Variants in HELZ observed in about 807,000 individuals in gnomAD.
HELZ encodes the protein helicase with zinc finger, also known as ATP-dependent RNA helicase with zinc finger domain.
A neutral mutation model predicts 218.2 loss-of-function variants in HELZ; 23 were observed. The observed-to-expected ratio is 0.11, with a 90% CI of 0.08 to 0.15. The LOEUF (loss-of-function observed/expected upper bound fraction) is 0.15. Ranked by LOEUF, HELZ falls within the 10% of genes least tolerant of loss-of-function variation. HELZ has a pLI of 1.00. For missense variants in HELZ, 1,813 were observed against 2,353.7 expected, an observed-to-expected ratio of 0.77 and a Z score of 4.75; for synonymous variants, 814 against 829.4, an observed-to-expected ratio of 0.98 and a Z score of 0.32.
chr17:67,141,111 A>C (rs1234903882), intron 21 of HELZ, among the ~76,000 whole-genome samples: 1 of 152,216 alleles, frequency 6.6e-6, no homozygotes, highest in Non-Finnish European at 1.5e-5. Context: ...GTGATACCGG[A>C]CAATAATTCA....
At chr17:67,206,824 C>G (rs931998651) in intron 5 of HELZ, among the ~76,000 whole-genome samples, 2 of 151,606 alleles carry the variant, frequency 1.3e-5, no homozygotes, top group African/African-American at 4.9e-5. Flanking sequence ...GTCTTGAACT[C>G]CCGACCTCAG....
chr17:67,159,210 G>A (rs1426416437), intron 17 of HELZ, among the ~76,000 whole-genome samples: 2 of 152,108 alleles, frequency 1.3e-5, no homozygotes, highest in Non-Finnish European at 2.9e-5. Flanking sequence ...GATAGTGATT[G>A]TATATATGTA....
At position 67,108,457 on chromosome 17, in the gene HELZ, G is replaced by T; in HGVS notation, c.4724+35C>A. On this transcript the variant is annotated intron_variant, in intron 30 of 32. Coordinates refer to ENST00000358691, the MANE Select transcript of HELZ (RefSeq NM_014877.4). This position sits in a 1 kb window ranked among gnomAD's most constrained non-coding sequence, Gnocchi z 4.1. ...CAAAAAAGAGAACAGTGAGGGGGTC[G>T]CATTCCAGGGGCTATTTTCAGTCCG... 1.3e-6 allele frequency: 2 copies of T among 1,483,264 alleles called. No homozygotes were observed. Among genetic ancestry groups the T allele is most frequent in the Non-Finnish European group, 1.9e-6 (2 of 1,063,362 alleles). The allele number at this position is 1,483,264 out of a possible 1,614,324, so 91.9% of individuals were successfully genotyped here.
intron 31 of HELZ, 39 bp from the exon 32 acceptor site, chr17:67,087,120 C>T (rs757819791): frequency 1.9e-6 from 3 of 1,602,654 alleles, no homozygotes; most frequent in Non-Finnish European, 2.6e-6. Context: ...ATCAGTGCAC[C>T]TTGTGCCATA....
intron 31 of HELZ, among the ~76,000 whole-genome samples, chr17:67,096,584 T>G (rs1180975915): frequency 2.6e-5 from 4 of 152,266 alleles, no homozygotes; most frequent in African/African-American, 9.6e-5. Flanking sequence ...CCTTGCACTT[T>G]TATGTTATGG....
At chr17:67,219,417 C>T (rs903659304) in intron 3 of HELZ, among the ~76,000 whole-genome samples, 4 of 152,222 alleles carry the variant, frequency 2.6e-5, no homozygotes, top group African/African-American at 7.2e-5. Context: ...TCAAGAAACT[C>T]AGATTCTAGC....
chr17:67,157,654 C>T (rs2038882362), intron 17 of HELZ, among the ~76,000 whole-genome samples: 1 of 152,186 alleles, frequency 6.6e-6, no homozygotes, highest in Non-Finnish European at 1.5e-5. Flanking sequence ...AACCAATCCA[C>T]ATATCCCACA....
At chr17:67,243,926 G>A (rs947586380) in intron 1 of HELZ, 87 bp from the exon 2 acceptor site, 36 of 893,894 alleles carry the variant, frequency 4.0e-5, no homozygotes, top group Middle Eastern at 1.2e-3. Flanking sequence ...AAGTGAAAGG[G>A]CATCTACATT....
intron 32 of HELZ, among the ~76,000 whole-genome samples, chr17:67,084,511 A>C (rs951505695): frequency 2.0e-5 from 3 of 152,058 alleles, no homozygotes; most frequent in African/African-American, 7.2e-5. Flanking sequence ...AAAACACAAA[A>C]AATTAGCCGG....
intron 7 of HELZ, among the ~76,000 whole-genome samples, chr17:67,200,392 A>G (rs2040138914): frequency 6.6e-6 from 1 of 152,022 alleles, no homozygotes; most frequent in South Asian, 2.1e-4. Flanking sequence ...TCCTAAACAC[A>G]TTCCTTAAAG....
At chr17:67,087,817 G>A (rs1406732738) in intron 31 of HELZ, among the ~76,000 whole-genome samples, 1 of 152,198 alleles carries the variant, frequency 6.6e-6, no homozygotes, top group Non-Finnish European at 1.5e-5. Context: ...CTATGTGGCA[G>A]CCATGTCAAG....
chr17:67,147,892 T>C (rs907751330), intron 20 of HELZ, among the ~76,000 whole-genome samples: 1 of 152,228 alleles, frequency 6.6e-6, no homozygotes, highest in African/African-American at 2.4e-5. Context: ...AGGTTCTGGA[T>C]GGTGGCGCAC....
chr17:67,086,550 T>C (rs966618887), intron 32 of HELZ, among the ~76,000 whole-genome samples: 3 of 148,714 alleles, frequency 2.0e-5, no homozygotes, highest in Non-Finnish European at 3.0e-5. Flanking sequence ...CATTGTACTC[T>C]AGCCTGGGCG....
intron 13 of HELZ, among the ~76,000 whole-genome samples, chr17:67,173,968 T>A (rs1376456838): frequency 1.3e-5 from 2 of 152,354 alleles, no homozygotes; most frequent in East Asian, 3.9e-4. Context: ...TAAAGCACAT[T>A]TCCTTTGAAA....
intron 12 of HELZ, among the ~76,000 whole-genome samples, chr17:67,181,431 G>T (rs970415945): frequency 2.0e-5 from 3 of 152,238 alleles, no homozygotes; most frequent in Middle Eastern, 3.4e-3. Context: ...AGCAATAGCA[G>T]TATTTGTTTT....
intron 13 of HELZ, among the ~76,000 whole-genome samples, chr17:67,177,792 C>A (rs2144219872): frequency 6.6e-6 from 1 of 152,196 alleles, no homozygotes; most frequent in African/African-American, 2.4e-5. Flanking sequence ...CATAACTAAT[C>A]TATAAATAGG....
intron 15 of HELZ, among the ~76,000 whole-genome samples, chr17:67,165,218 C>G (rs2039106171): frequency 2.0e-5 from 3 of 152,148 alleles, no homozygotes; most frequent in Admixed American, 1.3e-4. Flanking sequence ...CTAAAAAGAA[C>G]AGAGGGGACT....
chr17:67,172,988 A>ATT (rs2039355665), intron 13 of HELZ: 2 of 907,974 alleles, frequency 2.2e-6, no homozygotes, highest in Middle Eastern at 5.6e-4. Context: ...AGCAGGCATG[A>ATT]AAAGTTAATC....
chr17:67,199,245 C>T (rs1219967880), intron 7 of HELZ, among the ~76,000 whole-genome samples: 1 of 140,948 alleles, frequency 7.1e-6, no homozygotes, highest in African/African-American at 2.6e-5. Context: ...CAGAGTCTCA[C>T]TCTGTCGCCC....
Sources: allele counts gnomAD v4.1 joint callset (sites outside exome capture counted in the v4.1 genomes callset), GRCh38; gene constraint gnomAD v4.1.1; non-coding constraint Gnocchi (gnomAD v3.1); transcripts MANE v1.5; gene names NCBI Gene and HGNC (gene_info 2026-07-23, HGNC 2026-07-21).